The following TASP1 variants were observed in gnomAD, a reference collection of about 807,000 sequenced individuals.
TASP1 encodes the protein taspase 1.
In TASP1, 16 loss-of-function variants were observed where a neutral mutation model predicts 56.6. The observed-to-expected ratio is 0.28, with a 90% CI of 0.19 to 0.43. The LOEUF is 0.43. Among genes scored for constraint, TASP1 ranks in the 20% least tolerant of loss-of-function variants. The pLI is 1.00. For synonymous variants in TASP1, 179 were observed against 184.2 expected (o/e 0.97, Z 0.23); for missense variants, 393 against 511.6 (o/e 0.77, Z 2.24).
intron 12 of TASP1, among the ~76,000 whole-genome samples, chr20:13,426,641 C>T (rs1028190622): frequency 2.2e-4 from 34 of 152,174 alleles, no homozygotes; most frequent in Admixed American, 1.0e-3. Context: ...TATTATAAAA[C>T]CAAAACTAAT....
At chr20:13,174,525 C>A in the TASP1 span, among the ~76,000 whole-genome samples, 1 of 151,904 alleles carries the variant, frequency 6.6e-6, no homozygotes, top group African/African-American at 2.4e-5. Context: ...TGGTAAAACC[C>A]CATATCTACA....
chr20:13,550,136 A>G (rs1012543051), intron 8 of TASP1, among the ~76,000 whole-genome samples: 1 of 140,074 alleles, frequency 7.1e-6, no homozygotes, highest in Non-Finnish European at 1.5e-5. Flanking sequence ...TAAATATGGA[A>G]TATATACACA....
chr20:13,183,644 T>C, the TASP1 span, among the ~76,000 whole-genome samples: 1 of 152,186 alleles, frequency 6.6e-6, no homozygotes, highest in African/African-American at 2.4e-5. Context: ...CTCCAAATTA[T>C]AAACTTAATA....
chr20:13,110,634 C>T, the TASP1 span, among the ~76,000 whole-genome samples: 1 of 152,124 alleles, frequency 6.6e-6, no homozygotes, highest in Non-Finnish European at 1.5e-5. Context: ...ACGCCCAACC[C>T]CCAGCTGCTT....
the TASP1 span, among the ~76,000 whole-genome samples, chr20:13,119,244 C>T: frequency 6.6e-6 from 1 of 152,184 alleles, no homozygotes; most frequent in East Asian, 1.9e-4. Context: ...ACCAAAGGCA[C>T]CTGAATAAAC....
At chr20:13,329,585 TTACAAA>T in the TASP1 span, among the ~76,000 whole-genome samples, 2 of 152,260 alleles carry the variant, frequency 1.3e-5, no homozygotes, top group African/African-American at 4.8e-5. Flanking sequence ...TGTTCATTGC[TTACAAA>T]TACAAACAAC....
At chr20:13,501,062 T>C (rs1000679351) in intron 10 of TASP1, among the ~76,000 whole-genome samples, 2 of 152,028 alleles carry the variant, frequency 1.3e-5, no homozygotes, top group Non-Finnish European at 2.9e-5. Context: ...AAAAAGATAG[T>C]GGGATGACAT....
At chr20:13,283,032 G>GT in the TASP1 span, among the ~76,000 whole-genome samples, 6 of 152,022 alleles carry the variant, frequency 3.9e-5, no homozygotes, top group East Asian at 1.9e-4. Context: ...TTTTCTTTCT[G>GT]TTTTTTTATT....
chr20:13,159,599 ATTCT>A, the TASP1 span, among the ~76,000 whole-genome samples: 3 of 152,144 alleles, frequency 2.0e-5, no homozygotes, highest in African/African-American at 7.2e-5. Flanking sequence ...ATTAATATAG[ATTCT>A]TTCTTTATGG....
chr20:13,412,002 C>G (rs746361385), intron 13 of TASP1, among the ~76,000 whole-genome samples: 1 of 152,234 alleles, frequency 6.6e-6, no homozygotes, highest in Non-Finnish European at 1.5e-5. Flanking sequence ...GACCACTATG[C>G]TTCCGAGTTG....
chr20:13,153,823 T>C, the TASP1 span, among the ~76,000 whole-genome samples: 35,822 of 151,968 alleles, frequency 0.24, 4,556 homozygotes, highest in South Asian at 0.44. Context: ...AGGTGCAAGG[T>C]AGTACCTGGG....
chr20:13,527,472 T>C (rs1164684704), intron 10 of TASP1, among the ~76,000 whole-genome samples: 2 of 152,148 alleles, frequency 1.3e-5, no homozygotes, highest in East Asian at 3.8e-4. Flanking sequence ...TATTATTTTG[T>C]CAACCAGAGG....
chr20:13,399,904 G>C (rs1258409165), intron 13 of TASP1, among the ~76,000 whole-genome samples: 3 of 152,100 alleles, frequency 2.0e-5, no homozygotes, highest in African/African-American at 4.8e-5. Context: ...CAACACACCA[G>C]GCACACTCCT....
the TASP1 span, among the ~76,000 whole-genome samples, chr20:13,247,557 T>TGTGTGTGTGTGTAG: frequency 1.4e-5 from 2 of 146,924 alleles, no homozygotes; most frequent in Admixed American, 1.4e-4. Flanking sequence ...TGTGTGTGTG[T>TGTGTGTGTGTGTAG]GTAGGTAGGT....
intron 4 of TASP1, among the ~76,000 whole-genome samples, chr20:13,603,105 T>C (rs908119995): frequency 2.0e-5 from 3 of 151,830 alleles, no homozygotes; most frequent in Non-Finnish European, 4.4e-5. Context: ...GTGGCGTGCA[T>C]CTGTAATCTC....
At chr20:13,311,258 TAGATA>T in the TASP1 span, among the ~76,000 whole-genome samples, 1 of 118,632 alleles carries the variant, frequency 8.4e-6, no homozygotes, top group African/African-American at 3.1e-5. Context: ...GATAGATAGA[TAGATA>T]GATAGATAGA....
At chr20:13,388,835 C>T (rs1293041348), downstream of TASP1, among the ~76,000 whole-genome samples, 1 of 152,202 alleles carries the variant, frequency 6.6e-6, no homozygotes, top group African/African-American at 2.4e-5. Flanking sequence ...ATCAGCAACT[C>T]TCAAATTATT....
chr20:13,390,621 G>A (rs919820632), intron 13 of TASP1, among the ~76,000 whole-genome samples, 169 bp from the exon 14 acceptor site: 7 of 152,166 alleles, frequency 4.6e-5, no homozygotes, highest in African/African-American at 1.7e-4. Flanking sequence ...CTGAAAGATC[G>A]TTTGTTCAAA....
chr20:13,182,672 C>T, the TASP1 span, among the ~76,000 whole-genome samples: 5 of 152,160 alleles, frequency 3.3e-5, no homozygotes, highest in Admixed American at 2.0e-4. Flanking sequence ...CTTCCATGAG[C>T]TTCTTAAAGG....
Sources: gnomAD v4.1 joint callset for allele counts (sites outside exome capture counted in the v4.1 genomes callset) on GRCh38, gnomAD v4.1.1 for gene constraint, MANE v1.5 for transcripts, NCBI Gene and HGNC (gene_info 2026-07-23, HGNC 2026-07-21) for gene names.